Variants in RANBP3L observed in about 807,000 individuals in gnomAD.
RANBP3L encodes RAN binding protein 3 like.
In RANBP3L, 56 loss-of-function variants were observed where a neutral mutation model predicts 67.2. The ratio of observed to expected loss-of-function variants is 0.83; its 90% CI spans 0.67 to 1.04. The LOEUF is 1.04. RANBP3L is among the 50% of genes least tolerant of loss of function. RANBP3L has a pLI of 0.00. For synonymous variants in RANBP3L, 164 were observed against 181.4 expected (o/e 0.90, Z 0.77); for missense variants, 496 against 535.5 (o/e 0.93, Z 0.73).
chr5:36,252,957 T>TG (rs1365746194), intron 12 of RANBP3L, among the ~76,000 whole-genome samples: 3 of 152,088 alleles, frequency 2.0e-5, no homozygotes, highest in African/African-American at 7.2e-5. Flanking sequence ...TGCCTGAACT[T>TG]GGGTAATCAG....
At position 36,274,966 on chromosome 5, in the gene RANBP3L, A is replaced by G. The variant is rs57141728; in HGVS notation, c.92-3655T>C. Among the ~76,000 whole-genome samples the G allele has an allele frequency of 0.017, 2,585 of 152,254 alleles. 133 individuals are homozygous for G. The South Asian group carries it at 0.18, about 10-fold the overall frequency. The stretch of plus-strand genomic sequence containing the variant: ...CAGTGAAAGAAAATGAGGGGATTAG[A>G]AAGAAATACTTTAAAACTTAAAGGT... On this transcript the variant is annotated intron_variant, in intron 1 of 13. Transcript: ENST00000296604.
chr5:36,275,617 T>C (rs80034552), intron 1 of RANBP3L, among the ~76,000 whole-genome samples: 5,020 of 152,190 alleles, frequency 0.033, 110 homozygotes, highest in Non-Finnish European at 0.048. Flanking sequence ...TTTCTTGGTG[T>C]AGGGGAGGAA....
chr5:36,257,862 A>G (rs372228977), intron 8 of RANBP3L, among the ~76,000 whole-genome samples: 2 of 6,392 alleles, frequency 3.1e-4, no homozygotes, highest in Non-Finnish European at 0.012. Flanking sequence ...CCACACTCTC[A>G]CTAGACTAAA....
intron 11 of RANBP3L, among the ~76,000 whole-genome samples, chr5:36,254,735 TCTC>T (rs1318276902): frequency 6.6e-6 from 1 of 152,120 alleles, no homozygotes; most frequent in East Asian, 1.9e-4. Context: ...CTACCTGTGG[TCTC>T]CTCCAAAGTC....
intron 1 of RANBP3L, among the ~76,000 whole-genome samples, chr5:36,286,026 TAC>T (rs532823890): frequency 4.6e-5 from 7 of 152,326 alleles, no homozygotes; most frequent in Admixed American, 3.3e-4. Context: ...ACTGGCTGAC[TAC>T]ACAGAATACT....
At chr5:36,258,541 A>G (rs1749153376) in intron 8 of RANBP3L, among the ~76,000 whole-genome samples, 1 of 152,340 alleles carries the variant, frequency 6.6e-6, no homozygotes, top group East Asian at 1.9e-4. Context: ...AAAAATTTAC[A>G]GGATTAGAGG....
chr5:36,273,668 T>C (rs1750381114), intron 1 of RANBP3L, among the ~76,000 whole-genome samples: 1 of 152,132 alleles, frequency 6.6e-6, no homozygotes, highest in African/African-American at 2.4e-5. Context: ...CTACAGCAGA[T>C]TTTTTTACCT....
intron 4 of RANBP3L, among the ~76,000 whole-genome samples, chr5:36,266,733 A>G (rs1376609366): frequency 7.0e-6 from 1 of 142,896 alleles, no homozygotes; most frequent in African/African-American, 2.6e-5. Context: ...TGGGATTAGG[A>G]TCTCTATTTC....
At chr5:36,280,014 C>G (rs533268810) in intron 1 of RANBP3L, among the ~76,000 whole-genome samples, 1 of 152,114 alleles carries the variant, frequency 6.6e-6, no homozygotes, top group African/African-American at 2.4e-5. Context: ...CTGATTACAA[C>G]CATTATTATC....
In RANBP3L at chr5:36,248,406, A is replaced by G. The variant is rs1306850418; in HGVS notation, c.*1248T>C. 2 of 152,328 alleles carry G rather than the reference A, an allele frequency of 1.3e-5. No homozygotes were observed. The highest frequency in any genetic ancestry group is 2.1e-4 in the South Asian group (1 of 4,834). 9.4% of individuals were successfully genotyped at this position (152,328 alleles called of 1,614,324 possible). On this transcript the variant is annotated 3_prime_UTR_variant, in exon 14 of 14. Transcript: ENST00000296604. ...CTGAAAGACTTAATTTAAATTTCAT[A>G]TGCTAAACTTTCAGGCAGTAGCTGA...
chr5:36,256,836 T>C (rs780215411), intron 10 of RANBP3L, 105 bp downstream of exon 10: 1 of 1,068,896 alleles, frequency 9.4e-7, no homozygotes, highest in Non-Finnish European at 1.3e-6. Context: ...TTAGTCTCCA[T>C]GAAAACTATA....
Position 36,257,508 on chromosome 5 carries a change from T to G in RANBP3L, c.718A>C (p.Lys240Gln), listed in dbSNP as rs781467794. The change falls in exon 9 of 14, where the codon AAG (lysine) becomes CAG (glutamine). Residue 240 changes from lysine to glutamine, a missense_variant. Coordinates refer to ENST00000296604, the MANE Select transcript of RANBP3L (RefSeq NM_145000.5). Reference sequence around the variant, plus strand: ...GGAATGGATTTGAATGGTTTTTCCTTGGCATATGAATCATTTTCAAGTTGA... The same window carrying G: ...GGAATGGATTTGAATGGTTTTTCCTGGGCATATGAATCATTTTCAAGTTGA... Reference protein sequence around the residue: ...QPQLENDSYAKEKPFKSIPKF... With the variant: ...QPQLENDSYAQEKPFKSIPKF... The G allele has an allele frequency of 6.2e-7, 1 of 1,600,556 alleles. No individual in the cohort carries two copies. Among genetic ancestry groups the G allele is most frequent in the South Asian group, 1.1e-5 (1 of 89,210 alleles).
At chr5:36,250,749 A>G (rs1748532819) in intron 13 of RANBP3L, among the ~76,000 whole-genome samples, 1 of 152,170 alleles carries the variant, frequency 6.6e-6, no homozygotes, top group African/African-American at 2.4e-5. Flanking sequence ...CAAGATAAGC[A>G]CTAAAACCTA....
chr5:36,294,901 G>A (rs1561146409), intron 1 of RANBP3L, among the ~76,000 whole-genome samples: 1 of 146,820 alleles, frequency 6.8e-6, no homozygotes, highest in Non-Finnish European at 1.5e-5. Flanking sequence ...ATACATATAT[G>A]TGTGTATATA....
intron 1 of RANBP3L, among the ~76,000 whole-genome samples, chr5:36,273,527 A>G (rs1161770020): frequency 1.3e-5 from 2 of 152,172 alleles, no homozygotes; most frequent in Non-Finnish European, 2.9e-5. Flanking sequence ...CCTCCTTGAC[A>G]CTGCCCAGAA....
In RANBP3L at chr5:36,272,361, A is replaced by G. The variant is rs1750279118; in HGVS notation, c.92-1050T>C. Reference sequence around the variant, plus strand: ...CCTCAGAACTTTTCTCAGTATAGCAACCATTACCAACATATTGTCTTGGCA... The same window carrying G: ...CCTCAGAACTTTTCTCAGTATAGCAGCCATTACCAACATATTGTCTTGGCA... On this transcript the variant is annotated intron_variant, in intron 1 of 13. Transcript: ENST00000296604. Among the ~76,000 whole-genome samples, 6 of 152,342 alleles carry G rather than the reference A, an allele frequency of 3.9e-5. No homozygotes were observed. In the South Asian group the frequency reaches 1.2e-3, roughly 32 times the overall value.
In RANBP3L at chr5:36,249,511, AT is replaced by A; in HGVS notation, c.*142del. The stretch of plus-strand genomic sequence containing the variant: ...TAAAATGTAAAACATAAAAATGTTA[AT>A]TGCAACAAATTACATTTCTTAAACT... On this transcript the variant is annotated 3_prime_UTR_variant, in exon 14 of 14. Transcript: ENST00000296604. The A allele has an allele frequency of 2.2e-6, 1 of 450,976 alleles. No homozygotes were observed. Among genetic ancestry groups the A allele is most frequent in the Non-Finnish European group, 4.1e-6 (1 of 245,832 alleles). The allele number at this position is 450,976 out of a possible 1,614,324, so 27.9% of individuals were successfully genotyped here. A position where few individuals can be genotyped will look rare whatever the true frequency, so the allele number is the denominator to read the frequency against.
chr5:36,274,697 G>A (rs1475108028), intron 1 of RANBP3L, among the ~76,000 whole-genome samples: 1 of 152,146 alleles, frequency 6.6e-6, no homozygotes, highest in Non-Finnish European at 1.5e-5. Flanking sequence ...GGGATTTTAA[G>A]CAGGGGAGTG....
intron 10 of RANBP3L, among the ~76,000 whole-genome samples, chr5:36,256,580 A>T (rs1748990877): frequency 6.6e-6 from 1 of 152,128 alleles, no homozygotes; most frequent in African/African-American, 2.4e-5. Flanking sequence ...CGAAATTCTT[A>T]TTGGACTGAA....
Sources: gnomAD v4.1 joint callset for allele counts (sites outside exome capture counted in the v4.1 genomes callset) on GRCh38, gnomAD v4.1.1 for gene constraint, MANE v1.5 for transcripts, NCBI Gene and HGNC (gene_info 2026-07-23, HGNC 2026-07-21) for gene names.